Variants in NALF1 observed in about 807,000 individuals in gnomAD.
The protein encoded by NALF1 is family with sequence similarity 155 member A.
A neutral mutation model predicts 48.4 loss-of-function variants in NALF1; 3 were observed. The ratio of observed to expected loss-of-function variants is 0.06; its 90% CI spans 0.03 to 0.16. The LOEUF is 0.16. Among genes scored for constraint, NALF1 ranks in the 10% least tolerant of loss-of-function variants. The pLI is 1.00. For synonymous variants in NALF1, 262 were observed against 245.7 expected (o/e 1.07, Z -0.62); for missense variants, 526 against 571.5 (o/e 0.92, Z 0.81).
chr13:107,575,966 GTGTGTGTGTGCA>G (rs888384255), intron 1 of NALF1, among the ~76,000 whole-genome samples: 1 of 144,396 alleles, frequency 6.9e-6, no homozygotes, highest in Admixed American at 7.2e-5. Context: ...TGTGTTGGGT[GTGTGTGTGTGCA>G]TATGTGTGTG....
intron 1 of NALF1, among the ~76,000 whole-genome samples, chr13:107,619,261 T>C (rs978138322): frequency 1.3e-5 from 2 of 152,072 alleles, no homozygotes; most frequent in Non-Finnish European, 2.9e-5. Context: ...TAAGATGTGA[T>C]GATTCCTCTT....
intron 1 of NALF1, among the ~76,000 whole-genome samples, chr13:107,516,379 T>A (rs765409952): frequency 1.3e-5 from 2 of 152,192 alleles, no homozygotes; most frequent in Non-Finnish European, 2.9e-5. Context: ...GCCTATTAAG[T>A]GTACCATATT....
chr13:107,365,434 A>C (rs1883136591), intron 1 of NALF1, among the ~76,000 whole-genome samples: 1 of 152,132 alleles, frequency 6.6e-6, no homozygotes, highest in Non-Finnish European at 1.5e-5. Flanking sequence ...CTACAAATAC[A>C]CATCTCTCAG....
At chr13:107,580,407 T>G (rs1231975948) in intron 1 of NALF1, among the ~76,000 whole-genome samples, 1 of 152,166 alleles carries the variant, frequency 6.6e-6, no homozygotes, top group Non-Finnish European at 1.5e-5. Flanking sequence ...AAGCTCTGCC[T>G]GAATTGTGTG....
chr13:107,303,183 T>C (rs779655425), intron 1 of NALF1, among the ~76,000 whole-genome samples: 3 of 152,188 alleles, frequency 2.0e-5, no homozygotes, highest in Non-Finnish European at 4.4e-5. Context: ...GCCATTTGTG[T>C]ATCTTCTTTG....
chr13:107,388,622 GAT>G (rs1263085208), intron 1 of NALF1, among the ~76,000 whole-genome samples: 1 of 152,152 alleles, frequency 6.6e-6, no homozygotes, highest in East Asian at 1.9e-4. Context: ...AATTTCCCTA[GAT>G]AGAGACACTG....
intron 1 of NALF1, among the ~76,000 whole-genome samples, chr13:107,660,714 C>T (rs1193711641): frequency 6.6e-6 from 1 of 151,780 alleles, no homozygotes; most frequent in Non-Finnish European, 1.5e-5. Flanking sequence ...GTCATTATAC[C>T]TTTGTCTAAA....
chr13:107,615,069 G>C (rs1879343217), intron 1 of NALF1, among the ~76,000 whole-genome samples: 1 of 152,054 alleles, frequency 6.6e-6, no homozygotes, highest in African/African-American at 2.4e-5. Context: ...GAGCCACTGT[G>C]CCTCGCACAT....
At chr13:107,326,352 G>A (rs760597475) in intron 1 of NALF1, among the ~76,000 whole-genome samples, 9 of 152,052 alleles carry the variant, frequency 5.9e-5, no homozygotes, top group Admixed American at 1.3e-4. Context: ...TTCCTGGTGC[G>A]TGAAAATCTG....
chr13:107,664,848 T>C (rs911349763), intron 1 of NALF1, among the ~76,000 whole-genome samples: 1 of 152,160 alleles, frequency 6.6e-6, no homozygotes, highest in Non-Finnish European at 1.5e-5. Flanking sequence ...CCAGGGTACC[T>C]TGAATTTGGT....
At chr13:107,339,242 C>A (rs1304020225) in intron 1 of NALF1, among the ~76,000 whole-genome samples, 1 of 150,894 alleles carries the variant, frequency 6.6e-6, no homozygotes, top group Non-Finnish European at 1.5e-5. Flanking sequence ...TTATCTTCTT[C>A]TTATTGTTTG....
intron 1 of NALF1, among the ~76,000 whole-genome samples, chr13:107,249,903 T>C (rs371784316): frequency 3.5e-4 from 53 of 152,246 alleles, no homozygotes; most frequent in African/African-American, 1.2e-3. Context: ...CGCAGTCAAT[T>C]AGTATACAAT....
At chr13:107,259,549 T>A (rs1880888934) in intron 1 of NALF1, among the ~76,000 whole-genome samples, 1 of 152,194 alleles carries the variant, frequency 6.6e-6, no homozygotes, top group African/African-American at 2.4e-5. Flanking sequence ...GTTTCTTTTG[T>A]CTGACATTAG....
intron 1 of NALF1, among the ~76,000 whole-genome samples, chr13:107,271,461 T>C (rs1243829161): frequency 1.3e-5 from 2 of 152,002 alleles, no homozygotes; most frequent in African/African-American, 4.8e-5. Flanking sequence ...AGTAATTACT[T>C]GGGACACAGC....
intron 1 of NALF1, among the ~76,000 whole-genome samples, chr13:107,322,246 C>T (rs1882271481): frequency 6.6e-6 from 1 of 152,128 alleles, no homozygotes; most frequent in Non-Finnish European, 1.5e-5. Context: ...CAGCTCTATG[C>T]TCACCTACAT....
At chr13:107,603,557 C>T (rs1878989813) in intron 1 of NALF1, among the ~76,000 whole-genome samples, 1 of 152,098 alleles carries the variant, frequency 6.6e-6, no homozygotes, top group Admixed American at 6.5e-5. Flanking sequence ...AATGGATTAG[C>T]CATTATCATA....
chr13:107,267,112 T>C (rs1320354919), intron 1 of NALF1, among the ~76,000 whole-genome samples: 2 of 152,218 alleles, frequency 1.3e-5, no homozygotes, highest in Non-Finnish European at 2.9e-5. Flanking sequence ...AGCACTTGGC[T>C]CTTGGCCAAG....
At chr13:107,227,963 A>G (rs558238733) in intron 1 of NALF1, among the ~76,000 whole-genome samples, 1 of 152,346 alleles carries the variant, frequency 6.6e-6, no homozygotes, top group African/African-American at 2.4e-5. Context: ...CATATGTAAC[A>G]TATAAGGAAC....
At chr13:107,419,899 T>C (rs898059515) in intron 1 of NALF1, among the ~76,000 whole-genome samples, 5 of 152,180 alleles carry the variant, frequency 3.3e-5, no homozygotes, top group African/African-American at 1.2e-4. Context: ...GAAGCCAGTT[T>C]GCCATGCGGT....
Sources: gnomAD v4.1 joint callset for allele counts (sites outside exome capture counted in the v4.1 genomes callset) on GRCh38, gnomAD v4.1.1 for gene constraint, MANE v1.5 for transcripts, NCBI Gene and HGNC (gene_info 2026-07-23, HGNC 2026-07-21) for gene names.